Variants in TLCD4 observed in about 807,000 individuals in gnomAD.
TLCD4 encodes the protein TLC domain containing 4, also known as TLC domain-containing protein 4.
In TLCD4, 7 loss-of-function variants were observed where a neutral mutation model predicts 24.2. That is an observed-to-expected ratio of 0.29 (90% CI 0.16 to 0.54). The LOEUF (loss-of-function observed/expected upper bound fraction) is 0.54, where lower values mean the gene tolerates loss of function less well. TLCD4 is among the 20% of genes least tolerant of loss of function. The pLI is 0.95. For synonymous variants in TLCD4, 103 were observed against 106.4 expected, an observed-to-expected ratio of 0.97 and a Z score of 0.20; for missense variants, 259 against 313.9, an observed-to-expected ratio of 0.82 and a Z score of 1.32.
rs180707771 is a variant in TLCD4, at chr1:95,133,915, G to A, written c.-11-9976G>A. Among the ~76,000 whole-genome samples the A allele has an allele frequency of 7.2e-5, 11 of 151,922 alleles. No individual in the cohort carries two copies. In the East Asian group the frequency reaches 2.0e-3, roughly 27 times the overall value. On this transcript the variant is annotated intron_variant, in intron 1 of 6. Transcript: ENST00000370203. ...TTGGCAATGGAAAGGGAATTTGGGT[G>A]TTAGAGTGCTGTGGAAATGATGGAC...
chr1:95,136,047 TTTTTATTTTTTTTTA>T (rs1212296515), intron 1 of TLCD4, among the ~76,000 whole-genome samples: 5 of 152,002 alleles, frequency 3.3e-5, no homozygotes, highest in Non-Finnish European at 5.9e-5. Flanking sequence ...AAGTTTTTTT[TTTTTATTTTTTTTTA>T]AGAAATCTTG....
At chr1:95,116,420 G>A (rs1044394334), upstream of TLCD4, among the ~76,000 whole-genome samples, 1 of 152,044 alleles carries the variant, frequency 6.6e-6, no homozygotes, top group South Asian at 2.1e-4. Context: ...GTCTTTCTGC[G>A]CATGTATATA....
At chr1:95,125,989 T>TA (rs63577560) in intron 1 of TLCD4, among the ~76,000 whole-genome samples, 3 of 145,674 alleles carry the variant, frequency 2.1e-5, no homozygotes, top group South Asian at 2.2e-4. Flanking sequence ...CCATCTCTAT[T>TA]AAAAAAAAAA....
intron 5 of TLCD4, among the ~76,000 whole-genome samples, chr1:95,159,623 G>A (rs1477634816): frequency 6.6e-6 from 1 of 152,178 alleles, no homozygotes; most frequent in Non-Finnish European, 1.5e-5. Flanking sequence ...TTCTTCTAGA[G>A]TTTTTATGGT....
chr1:95,138,574 T>A (rs1677109157), intron 1 of TLCD4: 1 of 152,132 alleles, frequency 6.6e-6, no homozygotes, highest in Admixed American at 6.5e-5. Flanking sequence ...CTTTATGACA[T>A]AACCTGTTGC....
intron 2 of TLCD4, among the ~76,000 whole-genome samples, chr1:95,147,533 CTT>C (rs1677385545): frequency 1.3e-5 from 2 of 152,232 alleles, no homozygotes; most frequent in South Asian, 4.1e-4. Context: ...AGAATCTTTG[CTT>C]ATTTAAAATA....
At chr1:95,145,978 G>A (rs1677335059) in intron 2 of TLCD4, among the ~76,000 whole-genome samples, 1 of 152,036 alleles carries the variant, frequency 6.6e-6, no homozygotes, top group Non-Finnish European at 1.5e-5. Flanking sequence ...TTTTACAAAG[G>A]ACTTAAGCTG....
At chr1:95,160,413 C>T (rs1466949821) in intron 5 of TLCD4, among the ~76,000 whole-genome samples, 6 of 152,134 alleles carry the variant, frequency 3.9e-5, no homozygotes, top group Admixed American at 3.3e-4. Context: ...TGGGCTGAGA[C>T]GATGGGGTTT....
chr1:95,158,000 A>G (rs764644128), intron 5 of TLCD4, among the ~76,000 whole-genome samples: 45 of 152,104 alleles, frequency 3.0e-4, no homozygotes, highest in Non-Finnish European at 5.1e-4. Flanking sequence ...TGATTTGTCA[A>G]TGTTGGGTAA....
chr1:95,165,898 C>G (rs998686396), intron 5 of TLCD4, among the ~76,000 whole-genome samples: 3 of 152,118 alleles, frequency 2.0e-5, no homozygotes, highest in African/African-American at 7.2e-5. Flanking sequence ...TTTGTGAAGA[C>G]TGCAGTTAAC....
chr1:95,107,401 C>A, the TLCD4 span, among the ~76,000 whole-genome samples: 1 of 151,904 alleles, frequency 6.6e-6, no homozygotes, highest in Non-Finnish European at 1.5e-5. Flanking sequence ...TCAGCCTGGG[C>A]GACAGAGCAA....
chr1:95,146,399 A>T (rs1444538892), intron 2 of TLCD4, among the ~76,000 whole-genome samples: 1 of 152,080 alleles, frequency 6.6e-6, no homozygotes, highest in East Asian at 1.9e-4. Flanking sequence ...GTTTCTCTAA[A>T]ATTTAGCTGA....
At chr1:95,187,749 G>T (rs1243506181) in intron 6 of TLCD4, among the ~76,000 whole-genome samples, 2 of 152,104 alleles carry the variant, frequency 1.3e-5, no homozygotes, top group South Asian at 2.1e-4. Flanking sequence ...GTATTAGTTT[G>T]TTGGGGACTG....
chr1:95,126,025 C>T (rs1676724157), intron 1 of TLCD4, among the ~76,000 whole-genome samples: 2 of 150,590 alleles, frequency 1.3e-5, no homozygotes, highest in Admixed American at 1.3e-4. Flanking sequence ...GGTGCAGTGG[C>T]TCATGCCTCT....
In TLCD4 at chr1:95,190,400, G is replaced by A. The variant is rs148204790; in HGVS notation, c.474-1150G>A. ...GGCTGGAGTGTGGTGGTGTGATCTC[G>A]GCTCATTGCAACCTCTGCCTCCTGG... On this transcript the variant is annotated intron_variant, in intron 6 of 6. Coordinates refer to ENST00000370203, the MANE Select transcript of TLCD4 (RefSeq NM_152487.3). Among the ~76,000 whole-genome samples the A allele has an allele frequency of 7.6e-3, 1,147 of 151,728 alleles. 19 individuals carry two copies. Among genetic ancestry groups the A allele is most frequent in the South Asian group, 0.058 (276 of 4,792 alleles).
chr1:95,098,089 A>C, the TLCD4 span, among the ~76,000 whole-genome samples: 2 of 152,208 alleles, frequency 1.3e-5, no homozygotes, highest in East Asian at 1.9e-4. Context: ...ACAGTATCAG[A>C]TCTATATAGC....
rs1300559316 is a variant in TLCD4, at chr1:95,194,806, CCTT to C, written c.*2942_*2944del. On this transcript the variant is annotated 3_prime_UTR_variant, in exon 7 of 7. Coordinates refer to ENST00000370203, the MANE Select transcript of TLCD4 (RefSeq NM_152487.3). ...TATGAGCTATAACTTATAAAGTTTG[CCTT>C]CTTATGTCTAAAATCTTTTAAAGGA... The C allele has an allele frequency of 4.6e-5, 7 of 151,892 alleles. No individual in the cohort carries two copies. The highest frequency in any genetic ancestry group is 1.2e-4 in the African/African-American group (5 of 41,366). 9.4% of individuals were successfully genotyped at this position (151,892 alleles called of 1,614,324 possible).
intron 3 of TLCD4, 49 bp from the exon 4 acceptor site, chr1:95,150,159 G>A: frequency 6.4e-7 from 1 of 1,566,810 alleles, no homozygotes; most frequent in Non-Finnish European, 8.6e-7. Flanking sequence ...AGAAGTAGCG[G>A]TCATCTACAA....
At chr1:95,108,695 A>C in the TLCD4 span, among the ~76,000 whole-genome samples, 1 of 152,260 alleles carries the variant, frequency 6.6e-6, no homozygotes, top group Non-Finnish European at 1.5e-5. Context: ...ACTAGCATAC[A>C]GAATGAGACA....
Sources: gnomAD v4.1 joint callset for allele counts (sites outside exome capture counted in the v4.1 genomes callset) on GRCh38, gnomAD v4.1.1 for gene constraint, MANE v1.5 for transcripts, NCBI Gene and HGNC (gene_info 2026-07-23, HGNC 2026-07-21) for gene names.